Variants in AMY2B observed in about 807,000 individuals in gnomAD.
AMY2B encodes the protein alpha-amylase 2B.
In AMY2B, 63 loss-of-function variants were observed where a neutral mutation model predicts 59.3. The ratio of observed to expected loss-of-function variants is 1.06; its 90% confidence interval spans 0.87 to 1.31. The LOEUF is 1.31. AMY2B is among the 50% of genes most tolerant of loss of function. AMY2B has a pLI of 0.00. For synonymous variants in AMY2B, 180 were observed against 198.1 expected (o/e 0.91, Z 0.77); for missense variants, 635 against 626.7 (o/e 1.01, Z -0.14).
chr1:103,555,436 G>A (rs1458354409), intron 1 of AMY2B, among the ~76,000 whole-genome samples: 3 of 151,296 alleles, frequency 2.0e-5, no homozygotes. Context: ...TATTTGTCTG[G>A]CTTTGAGTTT....
At chr1:103,557,124 T>C (rs1436743870) in intron 1 of AMY2B, among the ~76,000 whole-genome samples, 3 of 151,670 alleles carry the variant, frequency 2.0e-5, no homozygotes, top group African/African-American at 4.9e-5. Context: ...TAAAAGCTAA[T>C]AGGAAATCTT....
In AMY2B at chr1:103,574,383, T is replaced by C. The variant is rs781566703; in HGVS notation, c.868T>C (p.Ser290Pro). The change falls in exon 5 of 10, where the codon TCT becomes CCT. Residue 290 changes from serine to proline, a missense_variant. Coordinates refer to ENST00000684275, the MANE Select transcript of AMY2B (RefSeq NM_001387437.1). ...VIRKWNGEKM[S>P]YLKNWGEGWG... ...TCGCAAGTGGAATGGAGAGAAGATG[T>C]CTTACCTAAAGTAAATAAATACAAC... 6.2e-7 allele frequency: 1 copy of C among 1,611,576 alleles called. No homozygotes were observed. The highest frequency in any genetic ancestry group is 8.5e-7 in the Non-Finnish European group (1 of 1,179,674).
At chr1:103,570,653 C>T (rs530225583), upstream of AMY2B, 63 of 586,314 alleles carry the variant, frequency 1.1e-4, no homozygotes, top group East Asian at 3.1e-4. Context: ...CCCCCTCCAT[C>T]GTCCACCGCA....
intron 7 of AMY2B, 82 bp from the exon 8 acceptor site, chr1:103,577,408 G>C: frequency 6.2e-7 from 1 of 1,606,598 alleles, no homozygotes; most frequent in African/African-American, 1.3e-5. Context: ...ACAAGTAACA[G>C]GATAGGTTGG....
At chr1:103,564,939 T>C (rs1327186771) in intron 1 of AMY2B, 1 of 152,192 alleles carries the variant, frequency 6.6e-6, no homozygotes, top group Non-Finnish European at 1.5e-5. Context: ...ATTCTAATAT[T>C]CACCCAAAGT....
chr1:103,576,252 C>T (rs1204145327), intron 7 of AMY2B, among the ~76,000 whole-genome samples: 3 of 152,152 alleles, frequency 2.0e-5, no homozygotes. Flanking sequence ...AGAAATTCCT[C>T]CTTCCTCTGA....
chr1:103,570,700 A>C (rs1010535194), upstream of AMY2B: 2 of 560,110 alleles, frequency 3.6e-6, no homozygotes, highest in South Asian at 2.8e-5. Context: ...ATGGCTAGCA[A>C]TTGCTTCATG....
chr1:103,564,016 C>T (rs181544496), intron 1 of AMY2B, among the ~76,000 whole-genome samples: 13 of 152,020 alleles, frequency 8.6e-5, no homozygotes, highest in Admixed American at 6.6e-4. Context: ...AGAGCGAAGG[C>T]GGAAAGACAG....
upstream of AMY2B, among the ~76,000 whole-genome samples, chr1:103,568,106 C>T (rs1036652258): frequency 1.3e-5 from 2 of 152,164 alleles, no homozygotes; most frequent in Non-Finnish European, 2.9e-5. Flanking sequence ...GTTGCTATTA[C>T]TGTTATTTAC....
intron 5 of AMY2B, among the ~76,000 whole-genome samples, 159 bp from the exon 6 acceptor site, chr1:103,575,063 TA>T (rs1235979071): frequency 7.3e-5 from 1 of 13,720 alleles, no homozygotes; most frequent in Non-Finnish European, 1.2e-4. Context: ...TGTGTATGTA[TA>T]TATATATATA....
chr1:103,575,131 T>G, intron 5 of AMY2B, 92 bp from the exon 6 acceptor site: 1 of 1,572,746 alleles, frequency 6.4e-7, no homozygotes, highest in Non-Finnish European at 8.7e-7. Context: ...AATCTTCAGA[T>G]GCCATGCCAT....
chr1:103,575,566 T>G (rs775708826), intron 7 of AMY2B, 26 bp downstream of exon 7: 23 of 1,610,752 alleles, frequency 1.4e-5, no homozygotes, highest in Non-Finnish European at 1.9e-5. Flanking sequence ...GTTCAAACTA[T>G]CCTTTTCTCA....
intron 4 of AMY2B, 114 bp from the exon 5 acceptor site, chr1:103,574,146 T>C (rs1652251445): frequency 6.7e-7 from 1 of 1,503,448 alleles, no homozygotes; most frequent in Non-Finnish European, 8.9e-7. Context: ...AATAGCTTAA[T>C]TTATTAATAA....
At position 103,573,055 on chromosome 1, in the gene AMY2B, C is replaced by T. The variant is rs751994697; in HGVS notation, c.316-8C>T. 8.7e-6 allele frequency: 14 copies of T among 1,613,056 alleles called. No individual in the cohort carries two copies. Among genetic ancestry groups the T allele is most frequent in the South Asian group, 3.3e-5 (3 of 91,062 alleles). On this transcript the variant is annotated splice_region_variant and splice_polypyrimidine_tract_variant and intron_variant, in intron 2 of 9. Coordinates refer to ENST00000684275, the MANE Select transcript of AMY2B (RefSeq NM_001387437.1). ...AAGTCACACTGAAGTAGAAACTTTG[C>T]TTTCTAGGTTCGTATTTATGTGGAT... is the stretch of plus-strand genomic sequence containing the variant.
upstream of AMY2B, chr1:103,569,972 T>C: frequency 2.2e-6 from 1 of 463,984 alleles, no homozygotes; most frequent in Non-Finnish European, 4.3e-6. Context: ...GGCTAGGCTG[T>C]CCCTCTACAC....
chr1:103,575,690 A>G (rs1170609802), intron 7 of AMY2B, 150 bp downstream of exon 7: 1 of 1,147,336 alleles, frequency 8.7e-7, no homozygotes. Flanking sequence ...TGCAGGTTAT[A>G]TTAAAGGAGT....
intron 7 of AMY2B, 67 bp downstream of exon 7, chr1:103,575,607 A>T: frequency 2.5e-6 from 4 of 1,588,566 alleles, no homozygotes; most frequent in Non-Finnish European, 3.4e-6. Flanking sequence ...TTCTAACTTA[A>T]TATGACAACT....
intron 9 of AMY2B, among the ~76,000 whole-genome samples, chr1:103,578,808 AT>A (rs1359583372): frequency 1.9e-4 from 28 of 150,332 alleles, no homozygotes; most frequent in African/African-American, 5.2e-4. Flanking sequence ...GATTAAAAAA[AT>A]AAAACCCTTT....
chr1:103,570,263 A>C, upstream of AMY2B: 2 of 548,532 alleles, frequency 3.6e-6, no homozygotes, highest in Non-Finnish European at 3.6e-6. Context: ...TCCCTGGAGA[A>C]GAGATATGAG....
Sources: allele counts gnomAD v4.1 joint callset (sites outside exome capture counted in the v4.1 genomes callset), GRCh38; gene constraint gnomAD v4.1.1; transcripts MANE v1.5; gene names NCBI Gene and HGNC (gene_info 2026-07-23, HGNC 2026-07-21).